The following FMO5 variants were observed in gnomAD, a reference collection of about 807,000 sequenced individuals.
FMO5 encodes the protein flavin containing dimethylaniline monoxygenase 5.
FMO5 carries 51 observed loss-of-function variants against 43.6 expected under a neutral mutation model. The ratio of observed to expected loss-of-function variants is 1.17; its 90% CI spans 0.93 to 1.48. The LOEUF (loss-of-function observed/expected upper bound fraction) is 1.48. FMO5 is among the 40% of genes most tolerant of loss of function. The probability of loss-of-function intolerance (pLI) is 0.00; values close to 1 mark genes in which losing one functional copy is unlikely to be tolerated. For synonymous variants in FMO5, 187 were observed against 216.5 expected (o/e 0.86, Z 1.20); for missense variants, 644 against 643.0 (o/e 1.00, Z -0.02).
intron 6 of FMO5, among the ~76,000 whole-genome samples, chr1:147,207,511 A>G (rs1434992750): frequency 6.6e-6 from 1 of 152,210 alleles, no homozygotes; most frequent in Non-Finnish European, 1.5e-5. Flanking sequence ...TTTCTTCATT[A>G]TAATCTGTCC....
intron 8 of FMO5, among the ~76,000 whole-genome samples, chr1:147,187,512 A>C (rs1049410172): frequency 3.9e-5 from 6 of 152,220 alleles, no homozygotes; most frequent in African/African-American, 1.2e-4. Context: ...AGAGAGCTGT[A>C]ATCGTTAGGT....
chr1:147,223,681 G>T, intron 2 of FMO5: 1 of 176,116 alleles, frequency 5.7e-6, no homozygotes, highest in South Asian at 1.2e-4. Flanking sequence ...GCATTGGACA[G>T]GACATACAGC....
At chr1:147,205,367 C>A (rs1659799703) in intron 6 of FMO5, among the ~76,000 whole-genome samples, 1 of 152,176 alleles carries the variant, frequency 6.6e-6, no homozygotes, top group Middle Eastern at 3.2e-3. Flanking sequence ...AGCATTATTA[C>A]TGTGAGATAA....
intron 2 of FMO5, 61 bp downstream of exon 2, chr1:147,224,834 G>T: frequency 6.5e-7 from 1 of 1,530,012 alleles, no homozygotes; most frequent in Non-Finnish European, 9.1e-7. Flanking sequence ...AAGATAAACT[G>T]TCGTATGCAC....
At chr1:147,193,519 T>C (rs868945127) in intron 7 of FMO5, among the ~76,000 whole-genome samples, 8 of 152,166 alleles carry the variant, frequency 5.3e-5, no homozygotes, top group Non-Finnish European at 8.8e-5. Context: ...AGTTCTGCTC[T>C]GATTTTAGTT....
intron 2 of FMO5, among the ~76,000 whole-genome samples, chr1:147,219,153 G>A (rs1662554203): frequency 6.6e-6 from 1 of 152,180 alleles, no homozygotes; most frequent in Non-Finnish European, 1.5e-5. Flanking sequence ...TTTGAAGTCT[G>A]TGCAGGAACA....
At chr1:147,219,840 CTTT>C (rs71083821) in intron 2 of FMO5, among the ~76,000 whole-genome samples, 3 of 132,888 alleles carry the variant, frequency 2.3e-5, no homozygotes, top group Admixed American at 7.6e-5. Flanking sequence ...ATGTTAATTG[CTTT>C]TTTTTTTTTT....
chr1:147,186,068 T>G (rs1268800435), downstream of FMO5, among the ~76,000 whole-genome samples: 1 of 152,182 alleles, frequency 6.6e-6, no homozygotes, highest in Non-Finnish European at 1.5e-5. Flanking sequence ...AAATCACATT[T>G]GTAGACCACA....
At position 147,216,548 on chromosome 1, in the gene FMO5, A is replaced by G. The variant is rs1436243866; in HGVS notation, c.136-606T>C. 2.6e-5 allele frequency among the ~76,000 whole-genome samples: 4 copies of G among 152,080 alleles called. No homozygotes were observed. The East Asian group carries it at 7.7e-4, about 29-fold the overall frequency. On this transcript the variant is annotated intron_variant, in intron 2 of 8. Coordinates refer to ENST00000254090, the MANE Select transcript of FMO5 (RefSeq NM_001461.4). Reference sequence around the variant, plus strand: ...AGAGCAGTGTTAAAATGTATATGAAACTCCTTGCAATTTACCTAGCCTTTT... The same window carrying G: ...AGAGCAGTGTTAAAATGTATATGAAGCTCCTTGCAATTTACCTAGCCTTTT...
chr1:147,210,747 T>C (rs1440106204), intron 5 of FMO5: 1 of 152,196 alleles, frequency 6.6e-6, no homozygotes, highest in African/African-American at 2.4e-5. Context: ...GTGTGGTATA[T>C]AGTAAACACT....
At chr1:147,184,651 G>A, downstream of FMO5, 1 of 1,510,944 alleles carries the variant, frequency 6.6e-7, no homozygotes, top group Non-Finnish European at 8.9e-7. This position sits in a 1 kb window ranked among gnomAD's most constrained non-coding sequence, Gnocchi z 4.4. Context: ...GTTTTTGAGA[G>A]GAATACAACA....
chr1:147,196,650 G>A (rs1462081774), intron 7 of FMO5, among the ~76,000 whole-genome samples: 4 of 151,830 alleles, frequency 2.6e-5, no homozygotes, highest in Non-Finnish European at 5.9e-5. Context: ...TATACTCTGT[G>A]GTACAGTTAT....
At chr1:147,220,476 G>A (rs1260664776) in intron 2 of FMO5, among the ~76,000 whole-genome samples, 3 of 152,074 alleles carry the variant, frequency 2.0e-5, no homozygotes, top group African/African-American at 4.8e-5. Flanking sequence ...AAGACAGAAG[G>A]CCTAGAATAG....
chr1:147,209,101 T>C, intron 5 of FMO5, 50 bp from the exon 6 acceptor site: 4 of 1,501,882 alleles, frequency 2.7e-6, no homozygotes, highest in Non-Finnish European at 3.7e-6. Context: ...TTCGTAAACC[T>C]TCAAAAGCAC....
In FMO5 at chr1:147,186,851, T is replaced by G. The variant is rs782667510; in HGVS notation, c.*49A>C. 20 of 1,563,712 alleles carry G rather than the reference T, an allele frequency of 1.3e-5. No homozygotes were observed. Among genetic ancestry groups the G allele is most frequent in the Non-Finnish European group, 1.6e-5 (19 of 1,156,394 alleles). ...TCAATCTCGTCAGATTCTGAAGGCA[T>G]CTGTAGATAAGCTTCCCAATGAAAA... On this transcript the variant is annotated 3_prime_UTR_variant, in exon 9 of 9. Transcript: ENST00000254090.
At chr1:147,227,152 A>C (rs1571469483), upstream of FMO5, among the ~76,000 whole-genome samples, 5 of 152,224 alleles carry the variant, frequency 3.3e-5, no homozygotes, top group Admixed American at 3.3e-4. Context: ...AAAGACTAAT[A>C]TCTTTCACAA....
intron 7 of FMO5, among the ~76,000 whole-genome samples, chr1:147,199,585 G>C (rs587699951): frequency 5.6e-4 from 85 of 152,268 alleles, no homozygotes; most frequent in Admixed American, 1.7e-3. Flanking sequence ...TTGGAAAAGA[G>C]TCCCAGTTGC....
intron 2 of FMO5, among the ~76,000 whole-genome samples, chr1:147,221,499 G>A (rs1299177399): frequency 6.6e-6 from 1 of 152,142 alleles, no homozygotes; most frequent in African/African-American, 2.4e-5. Context: ...TTAATGAATG[G>A]CAAGGTCATT....
At chr1:147,197,414 T>A (rs1658194742) in intron 7 of FMO5, among the ~76,000 whole-genome samples, 1 of 152,148 alleles carries the variant, frequency 6.6e-6, no homozygotes, top group African/African-American at 2.4e-5. Flanking sequence ...TTGTCTGTCT[T>A]TGATATGGTT....
Sources: allele counts gnomAD v4.1 joint callset (sites outside exome capture counted in the v4.1 genomes callset), GRCh38; gene constraint gnomAD v4.1.1; non-coding constraint Gnocchi (gnomAD v3.1); transcripts MANE v1.5; gene names NCBI Gene and HGNC (gene_info 2026-07-23, HGNC 2026-07-21).